The following RYR3 variants were observed in gnomAD, a reference collection of about 807,000 sequenced individuals.
RYR3 encodes the protein brain ryanodine receptor-calcium release channel.
RYR3 carries 207 observed loss-of-function variants against 584.3 expected under a neutral mutation model. The ratio of observed to expected loss-of-function variants is 0.35; its 90% CI spans 0.32 to 0.40. The LOEUF (loss-of-function observed/expected upper bound fraction) is 0.40. RYR3 is among the 10% of genes least tolerant of loss of function. RYR3 has a pLI of 1.00. For synonymous variants in RYR3, 2,416 were observed against 2,248.5 expected (o/e 1.07, Z -2.11); for missense variants, 5,616 against 6,089.2 (o/e 0.92, Z 2.59).
At chr15:33,505,377 A>G (rs1432542242) in intron 3 of RYR3, among the ~76,000 whole-genome samples, 1 of 152,208 alleles carries the variant, frequency 6.6e-6, no homozygotes, top group Non-Finnish European at 1.5e-5. Context: ...ATCATTAACA[A>G]AGGTGAGATT....
intron 43 of RYR3, among the ~76,000 whole-genome samples, chr15:33,711,097 T>C (rs1342026202): frequency 6.6e-6 from 1 of 152,258 alleles, no homozygotes; most frequent in African/African-American, 2.4e-5. Flanking sequence ...CTTCTTTCTC[T>C]GCCACATGGC....
chr15:33,635,789 T>C lies in RYR3; in HGVS notation c.3351T>C (p.Asp1117=), dbSNP rs577405588. The C allele has an allele frequency of 3.7e-6, 6 of 1,613,342 alleles. No homozygotes were observed. Among genetic ancestry groups the C allele is most frequent in the South Asian group, 2.2e-5 (2 of 90,906 alleles). The change falls in exon 26 of 104, where the codon GAT becomes GAC. Residue 1117 remains aspartate, a synonymous_variant. Coordinates refer to ENST00000634891, the MANE Select transcript of RYR3 (RefSeq NM_001036.6). ...GCRPDVELGA[D]DQAFVFEGNR... Reference sequence around the variant, plus strand: ...GACCTGATGTCGAGCTGGGGGCCGATGACCAAGCCTTTGTGTTTGAAGGCA... The same window carrying C: ...GACCTGATGTCGAGCTGGGGGCCGACGACCAAGCCTTTGTGTTTGAAGGCA...
At chr15:33,624,093 C>T in intron 20 of RYR3, 70 bp downstream of exon 20, 1 of 1,090,264 alleles carries the variant, frequency 9.2e-7, no homozygotes. Context: ...TTCTTTCTTT[C>T]TTGTTTTTGA....
At chr15:33,502,199 C>T (rs1293836657) in intron 2 of RYR3, among the ~76,000 whole-genome samples, 3 of 152,152 alleles carry the variant, frequency 2.0e-5, no homozygotes, top group Non-Finnish European at 2.9e-5. Context: ...GCAGGTCCAG[C>T]AGGCCGATTA....
intron 77 of RYR3, 106 bp from the exon 78 acceptor site, chr15:33,820,650 T>C: frequency 2.1e-6 from 2 of 940,466 alleles, no homozygotes; most frequent in Non-Finnish European, 3.3e-6. Context: ...GGTCCTGAGG[T>C]GCCTGTGAAT....
chr15:33,861,877 G>C (rs946099730), intron 102 of RYR3, among the ~76,000 whole-genome samples: 2 of 151,924 alleles, frequency 1.3e-5, no homozygotes, highest in African/African-American at 4.8e-5. Context: ...TGCCTGCCTC[G>C]GCCTCTCAGT....
At chr15:33,691,648 A>G (rs1445074046) in intron 38 of RYR3, among the ~76,000 whole-genome samples, 1 of 152,204 alleles carries the variant, frequency 6.6e-6, no homozygotes, top group African/African-American at 2.4e-5. Flanking sequence ...CCTCCAGAAA[A>G]AAACACTGAA....
At chr15:33,422,541 G>A (rs2044311924) in intron 1 of RYR3, among the ~76,000 whole-genome samples, 1 of 152,192 alleles carries the variant, frequency 6.6e-6, no homozygotes, top group Admixed American at 6.5e-5. Flanking sequence ...AGCTTCAGAA[G>A]TGTGGGGAAG....
intron 3 of RYR3, among the ~76,000 whole-genome samples, chr15:33,510,160 C>G (rs892823413): frequency 6.6e-6 from 1 of 152,198 alleles, no homozygotes; most frequent in Non-Finnish European, 1.5e-5. Context: ...GTACTCCTGG[C>G]AGGCAGCCTG....
At chr15:33,447,054 A>G (rs1285276208) in intron 1 of RYR3, among the ~76,000 whole-genome samples, 1 of 152,244 alleles carries the variant, frequency 6.6e-6, no homozygotes, top group Non-Finnish European at 1.5e-5. Context: ...CCTGATTAGA[A>G]TGACAGAAAT....
At chr15:33,630,569 T>C (rs1314620721) in intron 22 of RYR3, among the ~76,000 whole-genome samples, 1 of 152,318 alleles carries the variant, frequency 6.6e-6, no homozygotes. Flanking sequence ...ATTTTAACTT[T>C]GTGGTTTTGT....
At chr15:33,432,683 T>TGTGTGTGTGTGTGTGTGTGTGTG in intron 1 of RYR3, among the ~76,000 whole-genome samples, 1 of 147,638 alleles carries the variant, frequency 6.8e-6, no homozygotes, top group Non-Finnish European at 1.5e-5. Context: ...TGTGTGTGTG[T>TGTGTGTGTGTGTGTGTGTGTGTG]GTGTGTGTGT....
At chr15:33,782,605 CTT>C (rs2074453128) in intron 65 of RYR3, among the ~76,000 whole-genome samples, 1 of 152,076 alleles carries the variant, frequency 6.6e-6, no homozygotes, top group African/African-American at 2.4e-5. Context: ...AGAAGGTAGA[CTT>C]CATTCATTAC....
At chr15:33,648,745 G>A (rs1310000991) in intron 30 of RYR3, among the ~76,000 whole-genome samples, 5 of 152,212 alleles carry the variant, frequency 3.3e-5, no homozygotes, top group Non-Finnish European at 5.9e-5. Context: ...GCTCTGTGCT[G>A]CCATTCTGAG....
intron 94 of RYR3, chr15:33,851,236 TTTCTCTAGAGTATAGA>T (rs2079089865): frequency 6.6e-6 from 1 of 152,200 alleles, no homozygotes; most frequent in Non-Finnish European, 1.5e-5. Flanking sequence ...AGTTGAAGGA[TTTCTCTAGAGTATAGA>T]CCCAGGAGAG....
chr15:33,839,380 C>T (rs2078224767), intron 89 of RYR3, among the ~76,000 whole-genome samples: 1 of 152,172 alleles, frequency 6.6e-6, no homozygotes, highest in Non-Finnish European at 1.5e-5. Flanking sequence ...ATGATTTGGC[C>T]TCTCTATGAG....
chr15:33,371,649 C>A (rs1208519726), intron 1 of RYR3, among the ~76,000 whole-genome samples: 1 of 152,188 alleles, frequency 6.6e-6, no homozygotes, highest in Non-Finnish European at 1.5e-5. Flanking sequence ...GACAAGACAG[C>A]AGAGAAAAGT....
chr15:33,600,317 T>C (rs1288415458), intron 16 of RYR3, among the ~76,000 whole-genome samples: 1 of 151,886 alleles, frequency 6.6e-6, no homozygotes, highest in Non-Finnish European at 1.5e-5. Flanking sequence ...GTGGCCACTT[T>C]GAAAGACTGA....
Position 33,750,276 on chromosome 15 carries a change from A to G in RYR3, c.8389A>G (p.Ile2797Val). The G allele has an allele frequency of 3.1e-6, 5 of 1,610,904 alleles. No homozygotes were observed. The highest frequency in any genetic ancestry group is 4.2e-6 in the Non-Finnish European group (5 of 1,178,526). ...LFKFLQVNGI[I>V]VSRGMKDMEL... The stretch of plus-strand genomic sequence containing the variant: ...TAAGTTCCTCCAAGTGAATGGCATC[A>G]TAGTTTCCAGGTAAGTCACCTTCCA... Residue 2797 changes from isoleucine (I) to valine (V), a missense_variant, in exon 57 of 104, where the codon ATA becomes GTA. Ile to Val is a conservative substitution (Grantham distance 29). Coordinates refer to ENST00000634891, the MANE Select transcript of RYR3 (RefSeq NM_001036.6).
Sources: allele counts gnomAD v4.1 joint callset (sites outside exome capture counted in the v4.1 genomes callset), GRCh38; gene constraint gnomAD v4.1.1; transcripts MANE v1.5; gene names NCBI Gene and HGNC (gene_info 2026-07-23, HGNC 2026-07-21).